The following MECOM variants were observed in gnomAD, a reference collection of about 807,000 sequenced individuals.
The protein encoded by MECOM is histone-lysine N-methyltransferase MECOM.
MECOM carries 13 observed loss-of-function variants against 116.3 expected under a neutral mutation model. That is an observed-to-expected ratio of 0.11 (90% CI 0.07 to 0.18). The LOEUF (loss-of-function observed/expected upper bound fraction) is 0.18, where lower values mean the gene tolerates loss of function less well. Among genes scored for constraint, MECOM ranks in the 10% least tolerant of loss-of-function variants. The pLI is 1.00. For missense variants in MECOM, 1,299 were observed against 1,509.0 expected, an observed-to-expected ratio of 0.86 and a Z score of 2.31; for synonymous variants, 528 against 535.2, an observed-to-expected ratio of 0.99 and a Z score of 0.19.
At chr3:169,246,137 T>C (rs956586406) in intron 2 of MECOM, among the ~76,000 whole-genome samples, 1 of 152,136 alleles carries the variant, frequency 6.6e-6, no homozygotes, top group Non-Finnish European at 1.5e-5. Context: ...AAACAAAAAT[T>C]AGAACTACTA....
intron 1 of MECOM, among the ~76,000 whole-genome samples, chr3:169,430,006 A>G (rs1361934333): frequency 2.0e-5 from 3 of 152,180 alleles, no homozygotes; most frequent in South Asian, 4.1e-4. Context: ...AAGAAAATAA[A>G]CTTTGAAAAA....
intron 1 of MECOM, among the ~76,000 whole-genome samples, chr3:169,538,767 A>G (rs1452137927): frequency 1.3e-5 from 2 of 152,190 alleles, no homozygotes; most frequent in African/African-American, 4.8e-5. Flanking sequence ...GTAACTAACT[A>G]CTGGTGAGTG....
At chr3:169,546,581 T>C (rs1371730432) in intron 1 of MECOM, among the ~76,000 whole-genome samples, 1 of 152,194 alleles carries the variant, frequency 6.6e-6, no homozygotes, top group East Asian at 1.9e-4. Context: ...GAAAGAATAA[T>C]GGCATGTGGC....
At chr3:169,569,185 G>C (rs1246577345) in intron 1 of MECOM, among the ~76,000 whole-genome samples, 1 of 152,036 alleles carries the variant, frequency 6.6e-6, no homozygotes, top group African/African-American at 2.4e-5. Flanking sequence ...AAAAGCAAGG[G>C]TGGCAATCCT....
rs777852472 is a variant in MECOM, at chr3:169,401,479, T to G, written c.38-19955A>C. Among the ~76,000 whole-genome samples, 5 of 152,240 alleles carry G rather than the reference T, an allele frequency of 3.3e-5. No homozygotes were observed. The East Asian group carries it at 9.6e-4, about 29-fold the overall frequency. Reference sequence around the variant, plus strand: ...ACTTTGGAAACCAAAATACCTGGCCTCATTCTTGGCTTCACAGAGCAACAT... The same window carrying G: ...ACTTTGGAAACCAAAATACCTGGCCGCATTCTTGGCTTCACAGAGCAACAT... On this transcript the variant is annotated intron_variant, in intron 1 of 16. Coordinates refer to ENST00000651503, the MANE Select transcript of MECOM (RefSeq NM_004991.4).
intron 1 of MECOM, among the ~76,000 whole-genome samples, chr3:169,583,141 T>C (rs1452408339): frequency 6.6e-6 from 1 of 152,168 alleles, no homozygotes; most frequent in Admixed American, 6.5e-5. Context: ...AATGAAGGAT[T>C]AAAAGATTGT....
At chr3:169,485,945 G>A (rs368840078) in intron 1 of MECOM, among the ~76,000 whole-genome samples, 2,429 of 28,806 alleles carry the variant, frequency 0.084, 48 homozygotes, top group African/African-American at 0.15. Flanking sequence ...ATATATGTAT[G>A]TATATATGTA....
In MECOM at chr3:169,122,600, C is replaced by G. The variant is rs1400037347; in HGVS notation, c.958G>C (p.Glu320Gln). 1 of 1,614,050 alleles carries G rather than the reference C, an allele frequency of 6.2e-7. No individual in the cohort carries two copies. The highest frequency in any genetic ancestry group is 1.1e-5 in the South Asian group (1 of 91,066). The part of the protein sequence containing the change: ...QMSHDSGKHY[E>Q]CENCAKVFTD... ...TGTACCTTGGCACAGTTTTCACATT[C>G]ATAGTGCTTTCCACTGTCATGTGAC... Residue 320 changes from glutamate to glutamine, a missense_variant, in exon 6 of 17, where the codon GAA (glutamate) becomes CAA (glutamine). Glu to Gln is a conservative substitution (Grantham distance 29). Transcript: ENST00000651503.
At chr3:169,187,124 C>T (rs1746885420) in intron 2 of MECOM, among the ~76,000 whole-genome samples, 1 of 152,144 alleles carries the variant, frequency 6.6e-6, no homozygotes, top group Non-Finnish European at 1.5e-5. Context: ...CATTATGATG[C>T]TTTTCATAGT....
chr3:169,388,931 A>G (rs899565800), intron 1 of MECOM, among the ~76,000 whole-genome samples: 2 of 152,208 alleles, frequency 1.3e-5, no homozygotes, highest in Non-Finnish European at 2.9e-5. Context: ...CGAGTTGTCA[A>G]AAAGACTCAG....
At chr3:169,526,964 T>C (rs1758035788) in intron 1 of MECOM, among the ~76,000 whole-genome samples, 1 of 152,246 alleles carries the variant, frequency 6.6e-6, no homozygotes, top group South Asian at 2.1e-4. Context: ...CACAGTCAGA[T>C]GAAAGAAAAC....
chr3:169,174,176 C>A (rs112112433), intron 2 of MECOM, among the ~76,000 whole-genome samples: 2 of 152,088 alleles, frequency 1.3e-5, no homozygotes, highest in African/African-American at 2.4e-5. Flanking sequence ...TGGAAGTCTA[C>A]GTATTATTTT....
chr3:169,339,710 A>G (rs1262874352), intron 2 of MECOM, among the ~76,000 whole-genome samples: 2 of 152,180 alleles, frequency 1.3e-5, no homozygotes, highest in African/African-American at 4.8e-5. Context: ...GTAATAGAAG[A>G]TGAGCTACAG....
At chr3:169,269,566 G>A (rs1484370128) in intron 2 of MECOM, among the ~76,000 whole-genome samples, 2 of 152,178 alleles carry the variant, frequency 1.3e-5, no homozygotes, top group South Asian at 2.1e-4. Context: ...TGCCATGGCA[G>A]AAAATGCAAC....
intron 1 of MECOM, among the ~76,000 whole-genome samples, chr3:169,473,804 C>T (rs1006180493): frequency 6.6e-6 from 1 of 151,852 alleles, no homozygotes; most frequent in Non-Finnish European, 1.5e-5. Flanking sequence ...ATACCAGACA[C>T]TATTAGTTTT....
At chr3:169,200,424 CAG>C (rs1748989726) in intron 2 of MECOM, among the ~76,000 whole-genome samples, 1 of 151,880 alleles carries the variant, frequency 6.6e-6, no homozygotes, top group African/African-American at 2.4e-5. Context: ...TTTTTAATAA[CAG>C]AAGACACAGT....
intron 2 of MECOM, among the ~76,000 whole-genome samples, chr3:169,179,904 A>T (rs893057169): frequency 3.3e-5 from 5 of 152,168 alleles, no homozygotes; most frequent in African/African-American, 1.2e-4. Context: ...CCCCTCCCCC[A>T]GGACTCCCCA....
intron 2 of MECOM, among the ~76,000 whole-genome samples, chr3:169,226,893 C>A (rs746184731): frequency 6.5e-4 from 99 of 152,118 alleles, no homozygotes; most frequent in Non-Finnish European, 1.1e-3. Flanking sequence ...AGGGCAATGG[C>A]AGGAGAATCT....
At chr3:169,356,986 A>G (rs750238328) in intron 2 of MECOM, among the ~76,000 whole-genome samples, 1 of 151,910 alleles carries the variant, frequency 6.6e-6, no homozygotes, top group Non-Finnish European at 1.5e-5. Context: ...GAGAAAAATG[A>G]TCACAGAATT....
Sources: allele counts gnomAD v4.1 joint callset (sites outside exome capture counted in the v4.1 genomes callset), GRCh38; gene constraint gnomAD v4.1.1; transcripts MANE v1.5; gene names NCBI Gene and HGNC (gene_info 2026-07-23, HGNC 2026-07-21).